The following FHIT variants were observed in gnomAD, a reference collection of about 807,000 sequenced individuals.
The protein encoded by FHIT is fragile histidine triad diadenosine triphosphatase, also known as bis(5'-adenosyl)-triphosphatase.
A neutral mutation model predicts 17.9 loss-of-function variants in FHIT; 19 were observed. That is an observed-to-expected ratio of 1.06 (90% CI 0.74 to 1.56). The LOEUF (loss-of-function observed/expected upper bound fraction) is 1.56. Among genes scored for constraint, FHIT ranks in the 40% most tolerant of loss-of-function variants. The pLI is 0.00. For synonymous variants in FHIT, 81 were observed against 69.7 expected (o/e 1.16, Z -0.81); for missense variants, 248 against 189.2 (o/e 1.31, Z -1.82).
In FHIT at chr3:60,829,161, C is replaced by G. The variant is rs532359443; in HGVS notation, c.-110-7150G>C. On this transcript the variant is annotated intron_variant, in intron 3 of 9. Coordinates refer to ENST00000492590, the MANE Select transcript of FHIT (RefSeq NM_002012.4). Reference sequence around the variant, plus strand: ...TATGAGCCAAGCGCAGTGCCAAACTCTAGAAACACCATAGTAAAGACAGAT... The same window carrying G: ...TATGAGCCAAGCGCAGTGCCAAACTGTAGAAACACCATAGTAAAGACAGAT... Among the ~76,000 whole-genome samples the G allele has an allele frequency of 7.6e-4, 116 of 152,314 alleles. 1 individual carries two copies. Among genetic ancestry groups the G allele is most frequent in the Non-Finnish European group, 1.3e-3 (89 of 68,014 alleles).
At chr3:60,569,710 AT>A (rs2037284352) in intron 4 of FHIT, among the ~76,000 whole-genome samples, 1 of 117,792 alleles carries the variant, frequency 8.5e-6, no homozygotes, top group Non-Finnish European at 1.7e-5. Context: ...ATTTAGAGAT[AT>A]TTATTTATTA....
At position 60,612,880 on chromosome 3, in the gene FHIT, A is replaced by G. The variant is rs542535017; in HGVS notation, c.-17-75901T>C. Among the ~76,000 whole-genome samples the G allele has an allele frequency of 5.3e-5, 8 of 152,292 alleles. 1 individual carries two copies. In the South Asian group the frequency reaches 1.2e-3, roughly 24 times the overall value. On this transcript the variant is annotated intron_variant, in intron 4 of 9. Transcript: ENST00000492590. Reference sequence around the variant, plus strand: ...ATACACAGCCTTCAAATGGCTCTCAATGCAGTATCTCAGGTAACTGCCAGC... The same window carrying G: ...ATACACAGCCTTCAAATGGCTCTCAGTGCAGTATCTCAGGTAACTGCCAGC...
chr3:60,881,941 A>G (rs1553758052), intron 3 of FHIT, among the ~76,000 whole-genome samples: 1 of 152,140 alleles, frequency 6.6e-6, no homozygotes, highest in Non-Finnish European at 1.5e-5. Flanking sequence ...TAAAACTTAC[A>G]AAAGATCAAT....
chr3:60,967,835 T>A (rs1366981562), intron 3 of FHIT, among the ~76,000 whole-genome samples: 5 of 152,176 alleles, frequency 3.3e-5, no homozygotes. Flanking sequence ...CGGTATATAA[T>A]CTACAAATTG....
chr3:61,164,127 G>C (rs931294837), intron 2 of FHIT, among the ~76,000 whole-genome samples: 1 of 152,082 alleles, frequency 6.6e-6, no homozygotes, highest in East Asian at 1.9e-4. Context: ...CATGGAGATC[G>C]ATCACCTACT....
chr3:60,198,455 G>C (rs765325542), intron 5 of FHIT, among the ~76,000 whole-genome samples: 1 of 152,128 alleles, frequency 6.6e-6, no homozygotes, highest in Non-Finnish European at 1.5e-5. Flanking sequence ...ATGACTTCAG[G>C]AGGCTGATTA....
At chr3:60,902,585 G>T (rs1559814586) in intron 3 of FHIT, among the ~76,000 whole-genome samples, 1 of 152,170 alleles carries the variant, frequency 6.6e-6, no homozygotes, top group African/African-American at 2.4e-5. Flanking sequence ...TTCGATTCAA[G>T]ACAACTGACA....
chr3:59,766,245 A>C (rs1408029063), intron 8 of FHIT, among the ~76,000 whole-genome samples: 1 of 152,244 alleles, frequency 6.6e-6, no homozygotes, highest in Non-Finnish European at 1.5e-5. Flanking sequence ...TATGATGGAA[A>C]ACAAAGAGAA....
intron 4 of FHIT, among the ~76,000 whole-genome samples, chr3:60,812,670 C>T (rs544245332): frequency 1.2e-4 from 19 of 152,212 alleles, no homozygotes; most frequent in Admixed American, 1.2e-3. Context: ...TGTAGCCAGA[C>T]ATACCATAAA....
chr3:60,107,133 C>T (rs957780848), intron 5 of FHIT, among the ~76,000 whole-genome samples: 3 of 143,956 alleles, frequency 2.1e-5, no homozygotes, highest in South Asian at 4.5e-4. Flanking sequence ...AAATTTTAAC[C>T]TTTAAAAGCT....
At chr3:59,847,248 C>A (rs1048371964) in intron 8 of FHIT, among the ~76,000 whole-genome samples, 5 of 152,066 alleles carry the variant, frequency 3.3e-5, no homozygotes, top group Non-Finnish European at 7.4e-5. Context: ...ACCACAGGTC[C>A]CTTAGGCTCT....
intron 5 of FHIT, among the ~76,000 whole-genome samples, chr3:60,526,137 TACACAC>T (rs59137290): frequency 1.1e-3 from 161 of 148,156 alleles, no homozygotes; most frequent in Non-Finnish European, 1.3e-3. Flanking sequence ...ACACAACACA[TACACAC>T]ACACACACAC....
At chr3:61,200,256 C>T (rs1010299777) in intron 2 of FHIT, among the ~76,000 whole-genome samples, 4 of 152,136 alleles carry the variant, frequency 2.6e-5, no homozygotes, top group Admixed American at 2.6e-4. Context: ...ATTTTAAATG[C>T]TTTATTTGGC....
chr3:60,369,442 T>G (rs1199840348), intron 5 of FHIT, among the ~76,000 whole-genome samples: 1 of 152,246 alleles, frequency 6.6e-6, no homozygotes, highest in Admixed American at 6.5e-5. Flanking sequence ...TTCCAGTGAC[T>G]GCTTGTTTTC....
At chr3:60,378,201 T>C (rs1700656373) in intron 5 of FHIT, among the ~76,000 whole-genome samples, 1 of 152,066 alleles carries the variant, frequency 6.6e-6, no homozygotes, top group African/African-American at 2.4e-5. Context: ...TAATTTTTTG[T>C]ATTTTTAGTA....
chr3:59,759,429 G>A (rs1187613762), intron 8 of FHIT, among the ~76,000 whole-genome samples: 1 of 152,150 alleles, frequency 6.6e-6, no homozygotes, highest in Non-Finnish European at 1.5e-5. Context: ...TTAGCGTCAT[G>A]GCCACTAAGT....
intron 5 of FHIT, among the ~76,000 whole-genome samples, chr3:60,459,103 GAA>G (rs1407142663): frequency 1.3e-5 from 2 of 152,120 alleles, no homozygotes; most frequent in African/African-American, 2.4e-5. Context: ...TTGGTGGAAA[GAA>G]AAGCATTTTT....
intron 5 of FHIT, among the ~76,000 whole-genome samples, chr3:60,322,336 A>T (rs1245263457): frequency 6.6e-6 from 1 of 152,230 alleles, no homozygotes; most frequent in African/African-American, 2.4e-5. Context: ...TGCATGTGTC[A>T]TCACATGTGA....
At chr3:60,530,403 T>C (rs139266976) in intron 5 of FHIT, among the ~76,000 whole-genome samples, 2 of 152,284 alleles carry the variant, frequency 1.3e-5, no homozygotes, top group East Asian at 3.9e-4. Context: ...TTTTTCTTCA[T>C]CCAATTTCAA....
Sources: allele counts gnomAD v4.1 joint callset (sites outside exome capture counted in the v4.1 genomes callset), GRCh38; gene constraint gnomAD v4.1.1; transcripts MANE v1.5; gene names NCBI Gene and HGNC (gene_info 2026-07-23, HGNC 2026-07-21).